The following SORBS2 variants were observed in gnomAD, a reference collection of about 807,000 sequenced individuals.
SORBS2 encodes the protein sorbin and SH3 domain-containing protein 2.
In SORBS2, 46 loss-of-function variants were observed where a neutral mutation model predicts 97.7. That is an observed-to-expected ratio of 0.47 (90% confidence interval 0.37 to 0.60). The LOEUF is 0.60. Among genes scored for constraint, SORBS2 ranks in the 20% least tolerant of loss-of-function variants. The pLI, the probability that SORBS2 is intolerant of heterozygous loss-of-function variation, is 0.00. For missense variants in SORBS2, 1,316 were observed against 1,282.3 expected, an observed-to-expected ratio of 1.03 and a Z score of -0.40; for synonymous variants, 476 against 473.4, an observed-to-expected ratio of 1.01 and a Z score of -0.07.
In SORBS2 at chr4:185,665,897, C is replaced by T. The variant is rs144612604; in HGVS notation, c.-45-3655G>A. The T allele has an allele frequency of 1.1e-5, 13 of 1,189,694 alleles. No individual in the cohort carries two copies. In the East Asian group the frequency reaches 2.9e-4, roughly 27 times the overall value. The allele number at this position is 1,189,694 out of a possible 1,614,324, so 73.7% of individuals were successfully genotyped here. ...TCACTCTCCGAGCGGGAGGAGTGCT[C>T]GGCCAGGGAGGAGTCTGTTGTCAGA... On this transcript the variant is annotated intron_variant, in intron 4 of 20. Transcript: ENST00000284776.
chr4:185,719,076 T>C (rs757653744), intron 2 of SORBS2, among the ~76,000 whole-genome samples: 1 of 151,648 alleles, frequency 6.6e-6, no homozygotes, highest in African/African-American at 2.4e-5. Context: ...AATCTGGTTT[T>C]AAAAAAAAAT....
chr4:185,813,478 C>T (rs911227643), intron 1 of SORBS2, among the ~76,000 whole-genome samples: 3 of 152,118 alleles, frequency 2.0e-5, no homozygotes, highest in Admixed American at 6.5e-5. Flanking sequence ...CGCTTCAGAT[C>T]GCCTCCAGCC....
rs10655336 is a variant in SORBS2, at chr4:185,950,248, C to CAAA, written c.-338+5945_-338+5947dup. ...CCCTGGGCAACGAGCAAGACTGTCT[C>CAAA]AAAAAAAAAAAAAGAATACTTTGAG... On this transcript the variant is annotated intron_variant, in intron 1 of 20. Transcript: ENST00000284776. Among the ~76,000 whole-genome samples the CAAA allele has an allele frequency of 1.2e-3, 171 of 147,236 alleles. 1 individual carries two copies. Among genetic ancestry groups the CAAA allele is most frequent in the African/African-American group, 3.4e-3 (138 of 40,250 alleles).
chr4:185,904,981 A>G (rs2099249894), intron 1 of SORBS2, among the ~76,000 whole-genome samples: 1 of 152,094 alleles, frequency 6.6e-6, no homozygotes, highest in African/African-American at 2.4e-5. Context: ...GCGCATGCCT[A>G]TAGTCCCAGC....
intron 1 of SORBS2, among the ~76,000 whole-genome samples, chr4:185,816,715 G>A (rs1401292803): frequency 6.6e-6 from 1 of 152,202 alleles, no homozygotes; most frequent in African/African-American, 2.4e-5. Flanking sequence ...TAAATCAGAG[G>A]TGCCCAAAAC....
chr4:185,733,679 G>A (rs879405206), intron 2 of SORBS2, among the ~76,000 whole-genome samples: 7 of 152,188 alleles, frequency 4.6e-5, no homozygotes, highest in African/African-American at 7.2e-5. Flanking sequence ...TTAGGACAAG[G>A]GGATCAGTTA....
chr4:185,838,503 G>C (rs2099209551), intron 1 of SORBS2, among the ~76,000 whole-genome samples: 1 of 152,204 alleles, frequency 6.6e-6, no homozygotes, highest in Non-Finnish European at 1.5e-5. Context: ...CCCTCAGAGA[G>C]GACACAGAGG....
chr4:185,813,692 C>A (rs574616594), intron 1 of SORBS2, among the ~76,000 whole-genome samples: 1 of 152,340 alleles, frequency 6.6e-6, no homozygotes, highest in Admixed American at 6.5e-5. Flanking sequence ...CTCGCCCCAG[C>A]ACCTTTAACC....
chr4:185,945,119 C>A (rs572255919), intron 1 of SORBS2, among the ~76,000 whole-genome samples: 2 of 152,216 alleles, frequency 1.3e-5, no homozygotes, highest in East Asian at 3.9e-4. Context: ...GGAGATGGGC[C>A]CTGAACATTA....
chr4:185,734,986 G>C (rs1197138644), intron 2 of SORBS2, among the ~76,000 whole-genome samples: 1 of 152,206 alleles, frequency 6.6e-6, no homozygotes, highest in African/African-American at 2.4e-5. Flanking sequence ...TTATATGGCT[G>C]CAGCAGCAGC....
chr4:185,635,226 G>T, intron 4 of SORBS2, 129 bp downstream of exon 16: 1 of 664,902 alleles, frequency 1.5e-6, no homozygotes. Context: ...GCAACATAAT[G>T]ATGCAAAGAT....
intron 1 of SORBS2, among the ~76,000 whole-genome samples, chr4:185,656,445 T>C (rs1051872657): frequency 6.6e-6 from 1 of 152,026 alleles, no homozygotes; most frequent in Non-Finnish European, 1.5e-5. Flanking sequence ...CACGGCTTTT[T>C]TTTTTTTTTT....
intron 4 of SORBS2, chr4:185,677,683 A>G: frequency 7.0e-7 from 1 of 1,419,376 alleles, no homozygotes; most frequent in Non-Finnish European, 9.2e-7. Context: ...AGTTGAAAGA[A>G]AAACAGAGAA....
chr4:185,624,703 T>A (rs527790776), intron 6 of SORBS2, among the ~76,000 whole-genome samples: 1 of 152,296 alleles, frequency 6.6e-6, no homozygotes, highest in South Asian at 2.1e-4. Flanking sequence ...ACTTTTTCAG[T>A]GAATGTAGCT....
At position 185,871,934 on chromosome 4, in the gene SORBS2, T is replaced by A. The variant is rs2099230628; in HGVS notation, c.-338+84262A>T. On this transcript the variant is annotated intron_variant, in intron 1 of 20. Coordinates refer to the SORBS2 transcript ENST00000284776. ...TCAGGACTGTCATCCATCTCTAATG[T>A]CATACTGCTCATCAAAGCAAACCAT... 2.6e-5 allele frequency among the ~76,000 whole-genome samples: 4 copies of A among 152,256 alleles called. No individual in the cohort carries two copies. The South Asian group carries it at 8.3e-4, about 32-fold the overall frequency.
At chr4:185,625,343 T>C (rs1362506267) in intron 6 of SORBS2, among the ~76,000 whole-genome samples, 6 of 152,256 alleles carry the variant, frequency 3.9e-5, no homozygotes, top group Non-Finnish European at 2.9e-5. Context: ...ATGGAAATGT[T>C]CTTTTGCTTT....
At chr4:185,788,340 A>G (rs140458999) in intron 1 of SORBS2, among the ~76,000 whole-genome samples, 1 of 152,386 alleles carries the variant, frequency 6.6e-6, no homozygotes, top group African/African-American at 2.4e-5. Context: ...AGCGGGGGAA[A>G]GAAATTAATA....
chr4:185,698,172 C>T (rs1280108491), intron 2 of SORBS2, among the ~76,000 whole-genome samples: 1 of 152,128 alleles, frequency 6.6e-6, no homozygotes, highest in Non-Finnish European at 1.5e-5. Flanking sequence ...AATCTTAAAA[C>T]GTCATTTGAA....
chr4:185,685,890 A>G (rs1245636867), intron 2 of SORBS2, among the ~76,000 whole-genome samples: 1 of 152,230 alleles, frequency 6.6e-6, no homozygotes, highest in East Asian at 1.9e-4. Context: ...ATAATGTGAA[A>G]TAAAATCAGT....
Sources: allele counts gnomAD v4.1 joint callset (sites outside exome capture counted in the v4.1 genomes callset), GRCh38; gene constraint gnomAD v4.1.1; transcripts MANE v1.5; gene names NCBI Gene and HGNC (gene_info 2026-07-23, HGNC 2026-07-21).